SLC14A2: variants seen among roughly 807,000 people sequenced by gnomAD.
The protein encoded by SLC14A2 is solute carrier family 14 member 2.
SLC14A2 carries 91 observed loss-of-function variants against 104.6 expected under a neutral mutation model. The observed-to-expected ratio is 0.87, with a 90% CI of 0.73 to 1.04. The LOEUF is 1.04. Ranked by LOEUF, SLC14A2 falls within the 50% of genes least tolerant of loss-of-function variation. SLC14A2 has a pLI of 0.00. For missense variants in SLC14A2, 1,189 were observed against 1,156.0 expected (o/e 1.03, Z -0.41); for synonymous variants, 476 against 466.4 (o/e 1.02, Z -0.27).
At chr18:45,341,313 G>T (rs1167187599) in intron 1 of SLC14A2, among the ~76,000 whole-genome samples, 1 of 152,116 alleles carries the variant, frequency 6.6e-6, no homozygotes, top group Admixed American at 6.5e-5. Flanking sequence ...TTCATTATTT[G>T]CCAGTTCCAT....
intron 2 of SLC14A2, among the ~76,000 whole-genome samples, chr18:45,509,078 G>C (rs1262689005): frequency 1.3e-5 from 2 of 152,142 alleles, no homozygotes; most frequent in Non-Finnish European, 2.9e-5. Flanking sequence ...TGTATAGCCA[G>C]TGGTATTGCA....
chr18:45,236,298 T>C lies in SLC14A2; in HGVS notation c.-125+23107T>C, dbSNP rs1266125397. The stretch of plus-strand genomic sequence containing the variant: ...GTGTGTATATGTGTATATATACATG[T>C]ATGTGTGTATATGTGTATATATACA... On this transcript the variant is annotated intron_variant, in intron 1 of 20. Coordinates refer to the SLC14A2 transcript ENST00000586448. 6.1e-5 allele frequency among the ~76,000 whole-genome samples: 3 copies of C among 48,976 alleles called. No homozygotes were observed. In the Admixed American group the frequency reaches 8.8e-4, roughly 14 times the overall value. The allele number at this position is 48,976 out of a possible 152,430, so 32.1% of individuals were successfully genotyped here.
chr18:45,473,363 C>G (rs772825696), intron 1 of SLC14A2, among the ~76,000 whole-genome samples: 4 of 152,162 alleles, frequency 2.6e-5, no homozygotes, highest in Admixed American at 1.3e-4. Flanking sequence ...TACATGGGCT[C>G]TTTTTTGGTT....
chr18:45,420,272 T>C (rs1449726206), intron 1 of SLC14A2, among the ~76,000 whole-genome samples: 1 of 152,130 alleles, frequency 6.6e-6, no homozygotes, highest in African/African-American at 2.4e-5. Flanking sequence ...TCAGAGTGAG[T>C]TATTCAAGAT....
intron 1 of SLC14A2, among the ~76,000 whole-genome samples, chr18:45,395,860 T>C (rs921913685): frequency 1.3e-5 from 2 of 152,124 alleles, no homozygotes; most frequent in Non-Finnish European, 2.9e-5. Context: ...CTAACTATTC[T>C]CTCTGCCCTC....
chr18:45,249,037 A>G (rs1427920715), intron 1 of SLC14A2, among the ~76,000 whole-genome samples: 1 of 152,206 alleles, frequency 6.6e-6, no homozygotes, highest in East Asian at 1.9e-4. Context: ...GAAATAGAAG[A>G]AAGGAGCCAG....
At chr18:45,665,296 A>C (rs2045999024) in intron 11 of SLC14A2, among the ~76,000 whole-genome samples, 1 of 152,214 alleles carries the variant, frequency 6.6e-6, no homozygotes. Context: ...ACTTGACCAC[A>C]GGAGGGAACC....
At chr18:45,416,110 C>G (rs1816296765) in intron 1 of SLC14A2, among the ~76,000 whole-genome samples, 1 of 152,076 alleles carries the variant, frequency 6.6e-6, no homozygotes, top group African/African-American at 2.4e-5. Flanking sequence ...CGTTTGAGTC[C>G]TAAGTGCCTG....
chr18:45,539,894 TAA>T (rs531647287), intron 2 of SLC14A2, among the ~76,000 whole-genome samples: 3 of 135,762 alleles, frequency 2.2e-5, no homozygotes, highest in Non-Finnish European at 3.2e-5. Flanking sequence ...ATGAAAAGAG[TAA>T]AAAAAAAAAA....
rs35346489 is a variant in SLC14A2, at chr18:45,230,741, G to A, written c.-125+17550G>A. Among the ~76,000 whole-genome samples, 696 of 152,298 alleles carry A rather than the reference G, an allele frequency of 4.6e-3. 3 individuals are homozygous for A. Among genetic ancestry groups the A allele is most frequent in the Non-Finnish European group, 7.4e-3 (504 of 68,016 alleles). ...TTTTCCCCTTAAGTATTCCTTGTAA[G>A]GGTTGGCATAAAAATGCTTTTAAGA... On this transcript the variant is annotated intron_variant, in intron 1 of 20. Transcript: ENST00000586448.
intron 1 of SLC14A2, among the ~76,000 whole-genome samples, chr18:45,326,643 G>C (rs2085237232): frequency 6.6e-6 from 1 of 152,176 alleles, no homozygotes; most frequent in African/African-American, 2.4e-5. Context: ...TTACTAGTGA[G>C]CAGGGTTACT....
chr18:45,650,678 A>C (rs898596900), intron 10 of SLC14A2, among the ~76,000 whole-genome samples: 5 of 152,212 alleles, frequency 3.3e-5, no homozygotes, highest in Admixed American at 6.5e-5. Context: ...GAAGATGAGG[A>C]TGCGGACTGC....
chr18:45,297,930 T>C (rs1366426541), intron 1 of SLC14A2, among the ~76,000 whole-genome samples: 1 of 152,114 alleles, frequency 6.6e-6, no homozygotes, highest in Admixed American at 6.6e-5. Flanking sequence ...ACAGATAAAA[T>C]GTGACAAGCC....
intron 1 of SLC14A2, among the ~76,000 whole-genome samples, chr18:45,292,063 AT>A (rs2084875339): frequency 6.6e-6 from 1 of 151,990 alleles, no homozygotes. Context: ...GTATTAGAGC[AT>A]TTTTTTCCTC....
rs373843224 is a variant in SLC14A2, at chr18:45,248,077, T to C, written c.-125+34886T>C. 6.2e-4 allele frequency among the ~76,000 whole-genome samples: 95 copies of C among 152,264 alleles called. 1 individual carries two copies. Among genetic ancestry groups the C allele is most frequent in the African/African-American group, 2.2e-3 (92 of 41,550 alleles). ...GTGAGGTTCTGAGAGTATATGTCAA[T>C]AATCCATTGAGAAGATGGTAGCAGG... is the stretch of plus-strand genomic sequence containing the variant. On this transcript the variant is annotated intron_variant, in intron 1 of 20. Transcript: ENST00000586448.
chr18:45,340,943 G>A (rs1396150554), intron 1 of SLC14A2, among the ~76,000 whole-genome samples: 1 of 152,184 alleles, frequency 6.6e-6, no homozygotes, highest in African/African-American at 2.4e-5. Context: ...TAGACCACAG[G>A]TTGGCCAGTC....
intron 6 of SLC14A2, 70 bp from the exon 7 acceptor site, chr18:45,639,676 A>C: frequency 1.3e-6 from 2 of 1,519,206 alleles, no homozygotes; most frequent in Non-Finnish European, 1.8e-6. Context: ...AATGGCTCAA[A>C]TCTGGCCCTG....
intron 2 of SLC14A2, among the ~76,000 whole-genome samples, chr18:45,542,619 T>G (rs896215348): frequency 6.6e-6 from 1 of 152,208 alleles, no homozygotes; most frequent in African/African-American, 2.4e-5. Context: ...CCCACTGACT[T>G]CCATTACTAA....
chr18:45,211,598 C>T (rs2083962325), upstream of SLC14A2, among the ~76,000 whole-genome samples: 1 of 152,160 alleles, frequency 6.6e-6, no homozygotes, highest in Non-Finnish European at 1.5e-5. Context: ...TACTCTCCTT[C>T]TCTTCTTTCT....
Sources: gnomAD v4.1 joint callset for allele counts (sites outside exome capture counted in the v4.1 genomes callset) on GRCh38, gnomAD v4.1.1 for gene constraint, MANE v1.5 for transcripts, NCBI Gene and HGNC (gene_info 2026-07-23, HGNC 2026-07-21) for gene names.